The following CEP112 variants were observed in gnomAD, a reference collection of about 807,000 sequenced individuals.
CEP112 encodes the protein centrosomal protein 112.
Under a neutral mutation model 153.0 loss-of-function variants are expected in CEP112, and 127 were observed. The ratio of observed to expected loss-of-function variants is 0.83; its 90% CI spans 0.72 to 0.96. The LOEUF is 0.96. CEP112 is among the 40% of genes least tolerant of loss of function. CEP112 has a pLI of 0.00. For missense variants in CEP112, 1,089 were observed against 1,101.2 expected (o/e 0.99, Z 0.16); for synonymous variants, 358 against 374.4 (o/e 0.96, Z 0.51).
At chr17:65,689,695 A>T (rs2048002068) in intron 23 of CEP112, among the ~76,000 whole-genome samples, 2 of 152,280 alleles carry the variant, frequency 1.3e-5, no homozygotes, top group South Asian at 4.1e-4. Flanking sequence ...TTTCTTTATA[A>T]AGTCAGAGAG....
intron 22 of CEP112, among the ~76,000 whole-genome samples, chr17:65,745,165 TATACC>T (rs2051368322): frequency 6.6e-6 from 1 of 152,226 alleles, no homozygotes; most frequent in African/African-American, 2.4e-5. Flanking sequence ...GCAAATTCAC[TATACC>T]AAAGTTTGAC....
chr17:65,698,060 A>G (rs1328545647), intron 23 of CEP112, among the ~76,000 whole-genome samples: 1 of 151,988 alleles, frequency 6.6e-6, no homozygotes, highest in Non-Finnish European at 1.5e-5. Flanking sequence ...ATTCCCAGCA[A>G]CACTTATTTT....
At position 65,690,425 on chromosome 17, in the gene CEP112, CAAAAAAAAAAAAA is replaced by C. The variant is rs67648497; in HGVS notation, c.2608-1220_2608-1208del. ...TGGGTGACAGAATGAGACCCTGTCT[CAAAAAAAAAAAAA>C]AAAAAAAAAATCCTTGCATTCACAT... On this transcript the variant is annotated intron_variant, in intron 23 of 26. Coordinates refer to ENST00000535342, the MANE Select transcript of CEP112 (RefSeq NM_001199165.4). 5.2e-5 allele frequency among the ~76,000 whole-genome samples: 4 copies of C among 76,704 alleles called. No individual in the cohort carries two copies. In the Admixed American group the frequency reaches 7.3e-4, roughly 14 times the overall value. The allele number at this position is 76,704 out of a possible 152,430, so 50.3% of individuals were successfully genotyped here.
chr17:65,650,344 AGC>A (rs1466236564), intron 24 of CEP112, among the ~76,000 whole-genome samples: 1 of 152,184 alleles, frequency 6.6e-6, no homozygotes, highest in Non-Finnish European at 1.5e-5. Flanking sequence ...CAAGCCATAT[AGC>A]CCTGAGTGTG....
chr17:66,095,176 T>C (rs2068289423), intron 8 of CEP112, among the ~76,000 whole-genome samples: 1 of 152,180 alleles, frequency 6.6e-6, no homozygotes, highest in Admixed American at 6.6e-5. Context: ...GAAATTGCTA[T>C]ATTGAAGAGC....
intron 19 of CEP112, among the ~76,000 whole-genome samples, chr17:65,912,885 T>G (rs2060340680): frequency 6.6e-6 from 1 of 152,166 alleles, no homozygotes. Flanking sequence ...AACCTTTGCT[T>G]CTAGGTTGTA....
intron 9 of CEP112, among the ~76,000 whole-genome samples, chr17:66,068,790 CAAAT>C (rs1353685521): frequency 6.6e-6 from 1 of 151,868 alleles, no homozygotes; most frequent in Non-Finnish European, 1.5e-5. Flanking sequence ...GTAATTTTTC[CAAAT>C]AAATTTTTAT....
Position 65,971,473 on chromosome 17 carries a change from A to T in CEP112, c.1737-9875T>A, listed in dbSNP as rs562140591. 2.7e-5 allele frequency among the ~76,000 whole-genome samples: 3 copies of T among 109,964 alleles called. No individual in the cohort carries two copies. In the Admixed American group the frequency reaches 3.5e-4, roughly 13 times the overall value. The allele number at this position is 109,964 out of a possible 152,430, so 72.1% of individuals were successfully genotyped here. On this transcript the variant is annotated intron_variant, in intron 17 of 26. Transcript: ENST00000535342. ...TGCATGCATATCACACACATGTATC[A>T]TGCATGTATGACATGAATGTCATAC... is the stretch of plus-strand genomic sequence containing the variant.
chr17:66,138,314 T>C (rs1184271310), intron 4 of CEP112, among the ~76,000 whole-genome samples: 1 of 152,210 alleles, frequency 6.6e-6, no homozygotes, highest in Non-Finnish European at 1.5e-5. Context: ...TAACATTGTC[T>C]AGATGCAGTG....
chr17:65,873,873 G>A lies in CEP112; in HGVS notation c.2164-21839C>T, dbSNP rs574432154. ...CCAGTAAAAGATGCCTTGAATATGGGTATATAGCATATACCAATTTCATGT... is the reference window on the plus strand; with the variant it reads ...CCAGTAAAAGATGCCTTGAATATGGATATATAGCATATACCAATTTCATGT... On this transcript the variant is annotated intron_variant, in intron 20 of 26. Transcript: ENST00000535342. 8.1e-4 allele frequency among the ~76,000 whole-genome samples: 124 copies of A among 152,164 alleles called. 1 individual carries two copies. In the East Asian group the frequency reaches 8.7e-3, roughly 11 times the overall value.
intron 23 of CEP112, among the ~76,000 whole-genome samples, chr17:65,705,211 A>C (rs1051208972): frequency 3.9e-5 from 6 of 152,208 alleles, no homozygotes; most frequent in Non-Finnish European, 8.8e-5. Context: ...ATAATGCTCC[A>C]AACTGCAAGA....
intron 18 of CEP112, among the ~76,000 whole-genome samples, chr17:65,929,671 C>T (rs1216421705): frequency 6.6e-6 from 1 of 152,192 alleles, no homozygotes; most frequent in Non-Finnish European, 1.5e-5. Context: ...AATGTCACCC[C>T]ATGTTCACTG....
intron 23 of CEP112, among the ~76,000 whole-genome samples, chr17:65,734,030 C>T (rs1179573174): frequency 6.6e-6 from 1 of 152,218 alleles, no homozygotes; most frequent in East Asian, 1.9e-4. Context: ...TTCACTGTTC[C>T]TGTATGTGTC....
chr17:66,149,880 G>GTTTTT lies in CEP112; in HGVS notation c.471-17118_471-17117insAAAAA, dbSNP rs1568549274. Among the ~76,000 whole-genome samples, 4 of 60,740 alleles carry GTTTTT rather than the reference G, an allele frequency of 6.6e-5. 1 individual carries two copies. Among genetic ancestry groups the GTTTTT allele is most frequent in the Non-Finnish European group, 9.0e-5 (3 of 33,288 alleles). The allele number at this position is 60,740 out of a possible 152,430, so 39.8% of individuals were successfully genotyped here. A position where few individuals can be genotyped will look rare whatever the true frequency, so the allele number is the denominator to read the frequency against. On this transcript the variant is annotated intron_variant, in intron 4 of 26. Transcript: ENST00000535342. The stretch of plus-strand genomic sequence containing the variant: ...GTGTAAATTTAGGGTTTTTTTTTTT[G>GTTTTT]TTTGTTTGTTTTTTTTTTTTTTTTT...
At chr17:65,743,315 C>T in intron 22 of CEP112, 98 bp from the exon 23 acceptor site, 1 of 861,550 alleles carries the variant, frequency 1.2e-6, no homozygotes, top group Non-Finnish European at 1.8e-6. Flanking sequence ...TTTGACAAAA[C>T]TCTATTCCAC....
chr17:65,821,426 G>T (rs554248826), intron 21 of CEP112, among the ~76,000 whole-genome samples: 1 of 141,162 alleles, frequency 7.1e-6, no homozygotes, highest in Non-Finnish European at 1.5e-5. Flanking sequence ...GGAACTTAAC[G>T]GGATTTTCTA....
chr17:66,129,471 A>G (rs2070025121), intron 6 of CEP112, among the ~76,000 whole-genome samples: 2 of 152,266 alleles, frequency 1.3e-5, no homozygotes, highest in South Asian at 2.1e-4. Flanking sequence ...TCTACCATAT[A>G]CTATCTTTAA....
chr17:66,017,335 A>T (rs1053671617), intron 16 of CEP112, among the ~76,000 whole-genome samples: 7 of 152,208 alleles, frequency 4.6e-5, no homozygotes, highest in African/African-American at 1.4e-4. Flanking sequence ...TGCTTCTAAA[A>T]TTATTAGAAT....
intron 4 of CEP112, among the ~76,000 whole-genome samples, chr17:66,163,725 C>A (rs992042313): frequency 6.6e-5 from 10 of 152,044 alleles, no homozygotes; most frequent in African/African-American, 2.4e-4. Context: ...AAAAATCGTA[C>A]ATTTAAATCA....
Sources: allele counts gnomAD v4.1 joint callset (sites outside exome capture counted in the v4.1 genomes callset), GRCh38; gene constraint gnomAD v4.1.1; transcripts MANE v1.5; gene names NCBI Gene and HGNC (gene_info 2026-07-23, HGNC 2026-07-21).